The following MB21D2 variants were observed in gnomAD, a reference collection of about 807,000 sequenced individuals.
The protein encoded by MB21D2 is Mab-21 domain containing 2, also known as nucleotidyltransferase MB21D2.
In MB21D2, 9 loss-of-function variants were observed where a neutral mutation model predicts 33.3. The ratio of observed to expected loss-of-function variants is 0.27; its 90% CI spans 0.16 to 0.47. MB21D2 has a LOEUF of 0.47. MB21D2 is among the 20% of genes least tolerant of loss of function. The probability of loss-of-function intolerance (pLI) is 0.99; values close to 1 mark genes in which losing one functional copy is unlikely to be tolerated. For synonymous variants in MB21D2, 241 were observed against 236.3 expected, an observed-to-expected ratio of 1.02 and a Z score of -0.18; for missense variants, 540 against 624.6, an observed-to-expected ratio of 0.86 and a Z score of 1.44.
intron 1 of MB21D2, among the ~76,000 whole-genome samples, chr3:192,895,708 TCAAG>T (rs1713954670): frequency 1.4e-5 from 2 of 146,312 alleles, no homozygotes; most frequent in African/African-American, 5.1e-5. Flanking sequence ...TTCTACCTAC[TCAAG>T]TTGTTGGGTT....
In MB21D2 at chr3:192,799,977, C is replaced by G. The variant is rs1054009255; in HGVS notation, c.212-327G>C. On this transcript the variant is annotated intron_variant, in intron 1 of 1. Coordinates refer to ENST00000392452, the MANE Select transcript of MB21D2 (RefSeq NM_178496.4). The surrounding 1 kb of genome is among the most constrained non-coding windows in gnomAD (Gnocchi z 4.1). Reference sequence around the variant, plus strand: ...TCCACTCAGTTATGCAGACTGAAAACCTCAGTACATTTCAACTCTTTGCTG... The same window carrying G: ...TCCACTCAGTTATGCAGACTGAAAAGCTCAGTACATTTCAACTCTTTGCTG... 3.9e-5 allele frequency among the ~76,000 whole-genome samples: 6 copies of G among 152,184 alleles called. No individual in the cohort carries two copies. The highest frequency in any genetic ancestry group is 1.4e-4 in the African/African-American group (6 of 41,452).
At chr3:192,908,022 T>C (rs910850257) in intron 1 of MB21D2, among the ~76,000 whole-genome samples, 13 of 152,210 alleles carry the variant, frequency 8.5e-5, no homozygotes, top group Admixed American at 8.5e-4. Flanking sequence ...ATTTCTTATA[T>C]TGCCCTAGGA....
chr3:192,865,369 T>C (rs80090371), intron 1 of MB21D2, among the ~76,000 whole-genome samples: 413 of 152,266 alleles, frequency 2.7e-3, no homozygotes, highest in Non-Finnish European at 4.4e-3. Flanking sequence ...TCACCTTTCA[T>C]AGTTTTGCTT....
intron 1 of MB21D2, among the ~76,000 whole-genome samples, chr3:192,915,210 C>G (rs1222089602): frequency 6.6e-6 from 1 of 152,078 alleles, no homozygotes; most frequent in East Asian, 1.9e-4. Context: ...GGGCCTGGTA[C>G]CACCCAAGTA....
intron 1 of MB21D2, among the ~76,000 whole-genome samples, chr3:192,900,067 G>A (rs1011365526): frequency 6.6e-6 from 1 of 151,812 alleles, no homozygotes. Flanking sequence ...GGCGGATCAC[G>A]AGGTCAGGAG....
chr3:192,844,770 T>C (rs1315287377), intron 1 of MB21D2, among the ~76,000 whole-genome samples: 1 of 152,204 alleles, frequency 6.6e-6, no homozygotes, highest in Non-Finnish European at 1.5e-5. Flanking sequence ...TCTTAGGGCC[T>C]GATTCCAGCC....
intron 1 of MB21D2, among the ~76,000 whole-genome samples, chr3:192,835,455 CAAAAAAAAAAAAA>C: frequency 1.6e-5 from 1 of 61,156 alleles, no homozygotes; most frequent in East Asian, 5.0e-4. Context: ...GACTCTGTCT[CAAAAAAAAAAAAA>C]AAAAAAAAGT....
chr3:192,877,359 T>C (rs1328549419), intron 1 of MB21D2, among the ~76,000 whole-genome samples: 1 of 146,208 alleles, frequency 6.8e-6, no homozygotes, highest in African/African-American at 2.8e-5. Flanking sequence ...GAGGAAAATA[T>C]GAAGTTGAAC....
At chr3:192,808,252 T>G (rs906819803) in intron 1 of MB21D2, among the ~76,000 whole-genome samples, 1 of 152,118 alleles carries the variant, frequency 6.6e-6, no homozygotes, top group Non-Finnish European at 1.5e-5. Flanking sequence ...CATGAACAGC[T>G]CCCACACTAA....
intron 1 of MB21D2, among the ~76,000 whole-genome samples, chr3:192,867,389 T>G (rs1176988408): frequency 6.6e-6 from 1 of 152,130 alleles, no homozygotes; most frequent in South Asian, 2.1e-4. Context: ...GTCAGTATCT[T>G]ATTTGCAAAG....
chr3:192,883,626 C>T (rs941951443), intron 1 of MB21D2, among the ~76,000 whole-genome samples: 3 of 152,058 alleles, frequency 2.0e-5, no homozygotes, highest in Non-Finnish European at 2.9e-5. Context: ...TATCTGGAAA[C>T]ATGATCCAGT....
intron 1 of MB21D2, among the ~76,000 whole-genome samples, chr3:192,853,566 C>A (rs1314658856): frequency 6.6e-6 from 1 of 152,130 alleles, no homozygotes; most frequent in Admixed American, 6.5e-5. Context: ...GAATCAATGA[C>A]CCAAACAGAA....
At chr3:192,848,954 C>A (rs984963406) in intron 1 of MB21D2, among the ~76,000 whole-genome samples, 2 of 152,172 alleles carry the variant, frequency 1.3e-5, no homozygotes, top group Admixed American at 6.5e-5. Flanking sequence ...AACTTGACAG[C>A]GTAACCCTGG....
intron 1 of MB21D2, among the ~76,000 whole-genome samples, chr3:192,866,988 T>TCTCAGC (rs749188770): frequency 6.6e-6 from 1 of 152,188 alleles, no homozygotes; most frequent in Non-Finnish European, 1.5e-5. Flanking sequence ...TTTCCCTCCC[T>TCTCAGC]CTCAGCTTTC....
rs376653426 is a variant in MB21D2, at chr3:192,797,017, T to A, written c.*1369A>T. 5 of 152,666 alleles carry A rather than the reference T, an allele frequency of 3.3e-5. No individual in the cohort carries two copies. The highest frequency in any genetic ancestry group is 1.2e-4 in the African/African-American group (5 of 41,474). 9.5% of individuals were successfully genotyped at this position (152,666 alleles called of 1,614,324 possible). ...ATGAACACGTTACTTGCCCTTTCTA[T>A]GAGTAGACATCATGGGTGTCCTTTG... On this transcript the variant is annotated 3_prime_UTR_variant, in exon 2 of 2. Transcript: ENST00000392452.
intron 1 of MB21D2, among the ~76,000 whole-genome samples, chr3:192,821,960 T>C (rs1560230762): frequency 6.6e-6 from 1 of 152,216 alleles, no homozygotes; most frequent in East Asian, 1.9e-4. Context: ...AAACCCAAGA[T>C]AATAGGATGA....
rs114369162 is a variant in MB21D2 at position 192,884,076 on chromosome 3, A to G, written c.211+33554T>C. On this transcript the variant is annotated intron_variant, in intron 1 of 1. Coordinates refer to ENST00000392452, the MANE Select transcript of MB21D2 (RefSeq NM_178496.4). ...AACCAGTTAGATTCACACACATGAA[A>G]AGCCATGTCCGAAGCCCTTGGCATG... 6.0e-3 allele frequency among the ~76,000 whole-genome samples: 913 copies of G among 152,150 alleles called. 14 individuals carry two copies. Among genetic ancestry groups the G allele is most frequent in the African/African-American group, 0.021 (876 of 41,426 alleles).
rs1234813460 is a variant in MB21D2, at chr3:192,801,927, TATC to T, written c.212-2280_212-2278del. 3.3e-5 allele frequency among the ~76,000 whole-genome samples: 5 copies of T among 152,300 alleles called. No individual in the cohort carries two copies. In the East Asian group the frequency reaches 9.6e-4, roughly 29 times the overall value. Reference sequence around the variant, plus strand: ...CTTTACACACAGAAATATGGCAAGTTATCATTTTCTTTTTAAAACCGTAAGTTA... The same window carrying T: ...CTTTACACACAGAAATATGGCAAGTTATTTTCTTTTTAAAACCGTAAGTTA... On this transcript the variant is annotated intron_variant, in intron 1 of 1. Coordinates refer to ENST00000392452, the MANE Select transcript of MB21D2 (RefSeq NM_178496.4).
Position 192,800,279 on chromosome 3 carries a change from A to G in MB21D2, c.212-629T>C, listed in dbSNP as rs559130096. 2.0e-4 allele frequency among the ~76,000 whole-genome samples: 30 copies of G among 152,064 alleles called. No individual in the cohort carries two copies. The East Asian group carries it at 2.9e-3, about 15-fold the overall frequency. On this transcript the variant is annotated intron_variant, in intron 1 of 1. Coordinates refer to ENST00000392452, the MANE Select transcript of MB21D2 (RefSeq NM_178496.4). ...TTTTTTTAAGAGACAGGGTCTTGCT[A>G]TGTTGCCCAGGCTGGTCTAAAATTC...
Sources: gnomAD v4.1 joint callset for allele counts (sites outside exome capture counted in the v4.1 genomes callset) on GRCh38, gnomAD v4.1.1 for gene constraint, Gnocchi (gnomAD v3.1) non-coding constraint, MANE v1.5 for transcripts, NCBI Gene and HGNC (gene_info 2026-07-23, HGNC 2026-07-21) for gene names.